The following CHN2 variants were observed in gnomAD, a reference collection of about 807,000 sequenced individuals.
CHN2 encodes chimerin 2, also known as beta-chimaerin.
CHN2 carries 35 observed loss-of-function variants against 56.3 expected under a neutral mutation model. That is an observed-to-expected ratio of 0.62 (90% confidence interval 0.47 to 0.82). CHN2 has a LOEUF of 0.82. Ranked by LOEUF, CHN2 falls within the 40% of genes least tolerant of loss-of-function variation. The pLI is 0.00. For missense variants in CHN2, 491 were observed against 580.5 expected (o/e 0.85, Z 1.58); for synonymous variants, 210 against 212.8 (o/e 0.99, Z 0.12).
chr7:29,252,190 T>TC (rs1788605509), intron 1 of CHN2, among the ~76,000 whole-genome samples: 1 of 147,158 alleles, frequency 6.8e-6, no homozygotes. Context: ...ATACAGGATT[T>TC]TTTTTTTTTT....
At chr7:29,480,621 G>A (rs903011197) in intron 7 of CHN2, among the ~76,000 whole-genome samples, 2 of 152,198 alleles carry the variant, frequency 1.3e-5, no homozygotes, top group African/African-American at 4.8e-5. Context: ...GCCACTTCAC[G>A]TTCCCATGTC....
intron 6 of CHN2, among the ~76,000 whole-genome samples, chr7:29,459,178 A>C (rs565820117): frequency 6.6e-6 from 1 of 152,212 alleles, no homozygotes; most frequent in Admixed American, 6.5e-5. Context: ...TCGGAAGGCT[A>C]TGAAAGGCTC....
intron 1 of CHN2, among the ~76,000 whole-genome samples, chr7:29,277,987 T>TGG (rs991913301): frequency 6.6e-5 from 10 of 152,242 alleles, no homozygotes; most frequent in African/African-American, 2.4e-4. Flanking sequence ...AGGGGTTGAG[T>TGG]GTGTGCAGTC....
chr7:29,317,276 A>G (rs1795020122), intron 1 of CHN2, among the ~76,000 whole-genome samples: 2 of 152,228 alleles, frequency 1.3e-5, no homozygotes, highest in African/African-American at 4.8e-5. Flanking sequence ...GATGCCATAA[A>G]CTATTTTATT....
intron 6 of CHN2, among the ~76,000 whole-genome samples, chr7:29,432,003 A>G (rs184740005): frequency 6.6e-6 from 1 of 152,162 alleles, no homozygotes; most frequent in Admixed American, 6.5e-5. Context: ...AGGTAGCTTC[A>G]ACTTCGGTTA....
At chr7:29,167,295 A>T (rs1251018754) in intron 2 of CHN2, among the ~76,000 whole-genome samples, 1 of 152,178 alleles carries the variant, frequency 6.6e-6, no homozygotes, top group Non-Finnish European at 1.5e-5. Context: ...TTTTTCATTC[A>T]ATATGTTTCT....
intron 6 of CHN2, among the ~76,000 whole-genome samples, chr7:29,403,570 C>T (rs1802400651): frequency 1.3e-5 from 2 of 152,020 alleles, no homozygotes; most frequent in South Asian, 4.1e-4. Flanking sequence ...CCTACTCCAT[C>T]AGATTTGAGT....
At chr7:29,422,420 C>G (rs1804439446) in intron 6 of CHN2, among the ~76,000 whole-genome samples, 1 of 152,186 alleles carries the variant, frequency 6.6e-6, no homozygotes, top group African/African-American at 2.4e-5. Flanking sequence ...AATGAAGTCT[C>G]TGACTGTGAT....
intron 7 of CHN2, among the ~76,000 whole-genome samples, chr7:29,494,064 A>G (rs1438630974): frequency 6.6e-6 from 1 of 152,122 alleles, no homozygotes; most frequent in African/African-American, 2.4e-5. Flanking sequence ...TCACCACACC[A>G]AGTTCTTTTG....
intron 7 of CHN2, among the ~76,000 whole-genome samples, chr7:29,485,287 A>C (rs1342024701): frequency 1.3e-5 from 2 of 150,674 alleles, no homozygotes; most frequent in Non-Finnish European, 2.9e-5. Flanking sequence ...GTATAAAATG[A>C]AAATATGAGG....
rs1410856510 is a variant in CHN2 at position 29,423,243 on chromosome 7, A to G, written c.576+22415A>G. Among the ~76,000 whole-genome samples the G allele has an allele frequency of 4.6e-5, 7 of 152,190 alleles. No individual in the cohort carries two copies. In the East Asian group the frequency reaches 1.3e-3, roughly 29 times the overall value. On this transcript the variant is annotated intron_variant, in intron 6 of 12. Coordinates refer to ENST00000222792, the MANE Select transcript of CHN2 (RefSeq NM_004067.4). ...ATGGCCAGACTTGTCTCCCCTGACAATCAGTGGGTGCTGGAATGCACTGCC... is the reference window on the plus strand; with the variant it reads ...ATGGCCAGACTTGTCTCCCCTGACAGTCAGTGGGTGCTGGAATGCACTGCC...
intron 6 of CHN2, among the ~76,000 whole-genome samples, chr7:29,416,103 A>AT (rs1803713436): frequency 2.0e-5 from 3 of 152,182 alleles, no homozygotes; most frequent in Admixed American, 6.5e-5. Flanking sequence ...ATAACCTTCT[A>AT]TTCTGCAAAG....
chr7:29,302,778 G>C (rs1347223543), intron 1 of CHN2, among the ~76,000 whole-genome samples: 1 of 152,012 alleles, frequency 6.6e-6, no homozygotes, highest in African/African-American at 2.4e-5. Context: ...CCCCTCTCCA[G>C]AACCTGGCAG....
At chr7:29,188,697 A>G (rs977392566) in intron 2 of CHN2, among the ~76,000 whole-genome samples, 2 of 152,154 alleles carry the variant, frequency 1.3e-5, no homozygotes, top group Non-Finnish European at 2.9e-5. Context: ...AAAACTGTGG[A>G]TAAGAAAATG....
intron 2 of CHN2, among the ~76,000 whole-genome samples, chr7:29,149,590 G>C (rs1275502193): frequency 6.6e-6 from 1 of 152,172 alleles, no homozygotes; most frequent in Non-Finnish European, 1.5e-5. Context: ...TTCCAGGGAG[G>C]TTGTAACTGA....
intron 1 of CHN2, among the ~76,000 whole-genome samples, chr7:29,254,587 G>A (rs1183133822): frequency 6.6e-6 from 1 of 152,142 alleles, no homozygotes; most frequent in Non-Finnish European, 1.5e-5. Flanking sequence ...CAGGGTTTTA[G>A]GGACCTTAGA....
chr7:29,470,138 T>C (rs1005447033), intron 6 of CHN2, among the ~76,000 whole-genome samples: 1 of 151,862 alleles, frequency 6.6e-6, no homozygotes, highest in Non-Finnish European at 1.5e-5. Flanking sequence ...GCTTGAGAGG[T>C]GTCTGCATCA....
At chr7:29,449,461 A>G (rs1562616301) in intron 6 of CHN2, among the ~76,000 whole-genome samples, 1 of 152,252 alleles carries the variant, frequency 6.6e-6, no homozygotes, top group South Asian at 2.1e-4. Flanking sequence ...GAATACAGCC[A>G]CATCCATTCA....
At chr7:29,148,805 T>C (rs1230951791) in intron 2 of CHN2, 1 of 152,188 alleles carries the variant, frequency 6.6e-6, no homozygotes, top group African/African-American at 2.4e-5. Flanking sequence ...GACACACAGA[T>C]TGATCCCATC....
Sources: allele counts gnomAD v4.1 joint callset (sites outside exome capture counted in the v4.1 genomes callset), GRCh38; gene constraint gnomAD v4.1.1; transcripts MANE v1.5; gene names NCBI Gene and HGNC (gene_info 2026-07-23, HGNC 2026-07-21).